The following ABCB4 variants were observed in gnomAD, a reference collection of about 807,000 sequenced individuals.
The protein encoded by ABCB4 is ATP binding cassette subfamily B member 4.
Under a neutral mutation model 145.7 loss-of-function variants are expected in ABCB4, and 76 were observed. The observed-to-expected ratio is 0.52, with a 90% CI of 0.43 to 0.63. ABCB4 has a LOEUF of 0.63. Ranked by LOEUF, ABCB4 falls within the 30% of genes least tolerant of loss-of-function variation. ABCB4 has a pLI of 0.00. For synonymous variants in ABCB4, 517 were observed against 566.8 expected, an observed-to-expected ratio of 0.91 and a Z score of 1.25; for missense variants, 1,234 against 1,553.1, an observed-to-expected ratio of 0.79 and a Z score of 3.45.
chr7:87,371,444 T>G, the ABCB4 span, among the ~76,000 whole-genome samples: 1 of 152,358 alleles, frequency 6.6e-6, no homozygotes. Flanking sequence ...CTTTATGATA[T>G]GACATTAAAG....
intron 9 of ABCB4, among the ~76,000 whole-genome samples, chr7:87,446,693 T>A (rs564965326): frequency 1.6e-4 from 25 of 152,340 alleles, no homozygotes; most frequent in Admixed American, 2.6e-4. Flanking sequence ...TCTGTAATAA[T>A]GATGCTTACT....
Position 87,408,252 on chromosome 7 carries a change from T to C in ABCB4, c.3082-18A>G, listed in dbSNP as rs941333716. On this transcript the variant is annotated intron_variant, in intron 24 of 27. Coordinates refer to ENST00000649586, the MANE Select transcript of ABCB4 (RefSeq NM_000443.4). ...AATTTATCCTGAATAAATGTTTAAA[T>C]GTTGCTATTATAATTGGCCTGATAA... 2 of 1,609,824 alleles carry C rather than the reference T, an allele frequency of 1.2e-6. No homozygotes were observed. The highest frequency in any genetic ancestry group is 3.3e-5 in the Admixed American group (2 of 59,994).
downstream of ABCB4, chr7:87,398,559 C>T: frequency 3.1e-6 from 5 of 1,613,710 alleles, no homozygotes; most frequent in Non-Finnish European, 4.2e-6. Flanking sequence ...AAATCCTGTC[C>T]CGAGACTGAT....
At chr7:87,464,628 C>A (rs1298832509) in intron 3 of ABCB4, among the ~76,000 whole-genome samples, 1 of 152,020 alleles carries the variant, frequency 6.6e-6, no homozygotes, top group Non-Finnish European at 1.5e-5. Context: ...CCTAAGTAAA[C>A]CTAGGTTTGT....
chr7:87,388,778 G>A, the ABCB4 span, among the ~76,000 whole-genome samples: 18 of 152,132 alleles, frequency 1.2e-4, no homozygotes, highest in Admixed American at 9.8e-4. Context: ...TGACAAATGG[G>A]ATCTAATTAA....
chr7:87,472,771 T>C, intron 2 of ABCB4, 96 bp from the exon 3 acceptor site: 1 of 891,616 alleles, frequency 1.1e-6, no homozygotes, highest in Admixed American at 2.2e-5. Flanking sequence ...TCAACTATTA[T>C]ATTTTCAAAT....
chr7:87,375,844 T>C, the ABCB4 span: 2 of 1,613,432 alleles, frequency 1.2e-6, no homozygotes, highest in South Asian at 1.1e-5. Flanking sequence ...GAATATCTGA[T>C]TGGTCTTGAT....
intron 3 of ABCB4, among the ~76,000 whole-genome samples, chr7:87,468,924 C>G (rs970674311): frequency 6.8e-5 from 6 of 88,528 alleles, no homozygotes; most frequent in African/African-American, 1.5e-4. Context: ...CAGCGCAACT[C>G]CGTCTCAAAA....
At chr7:87,446,949 A>T (rs1411823105) in intron 9 of ABCB4, 85 bp downstream of exon 9, 1 of 1,293,542 alleles carries the variant, frequency 7.7e-7, no homozygotes, top group African/African-American at 1.5e-5. Context: ...TCATCTTTCA[A>T]AAAGGAGCGA....
intron 7 of ABCB4, among the ~76,000 whole-genome samples, chr7:87,451,321 A>T (rs1811714376): frequency 6.6e-6 from 1 of 152,048 alleles, no homozygotes; most frequent in Non-Finnish European, 1.5e-5. Flanking sequence ...TTTTTAGTAG[A>T]GACAGAGTTT....
the ABCB4 span, chr7:87,393,161 T>C: frequency 3.8e-6 from 5 of 1,317,532 alleles, no homozygotes; most frequent in Admixed American, 1.2e-4. Context: ...GATTCTTATA[T>C]TGCCATCTGT....
intron 16 of ABCB4, among the ~76,000 whole-genome samples, chr7:87,424,316 G>C (rs969415921): frequency 6.6e-6 from 1 of 152,192 alleles, no homozygotes; most frequent in Admixed American, 6.5e-5. Context: ...GGCCTCAGCA[G>C]ACTGCGAGGT....
chr7:87,411,034 C>T (rs1015089670), intron 23 of ABCB4, among the ~76,000 whole-genome samples: 1 of 152,078 alleles, frequency 6.6e-6, no homozygotes, highest in African/African-American at 2.4e-5. Flanking sequence ...TAACACTTTC[C>T]AGGCCTTTGT....
chr7:87,441,189 C>A (rs964857321), intron 12 of ABCB4, among the ~76,000 whole-genome samples: 11 of 152,164 alleles, frequency 7.2e-5, no homozygotes, highest in African/African-American at 2.7e-4. Flanking sequence ...CAATTGCTTA[C>A]ATGTACAATG....
the ABCB4 span, chr7:87,382,388 G>A: frequency 0.01 from 16,501 of 1,603,656 alleles, 1,226 homozygotes; most frequent in African/African-American, 0.18. Context: ...ATTTTTCACC[G>A]TTCTCATTTA....
downstream of ABCB4, among the ~76,000 whole-genome samples, chr7:87,400,947 A>T (rs1227601793): frequency 1.3e-5 from 2 of 152,184 alleles, no homozygotes; most frequent in African/African-American, 4.8e-5. Context: ...AATCACCTAG[A>T]GTGTATTTTA....
chr7:87,418,006 T>C (rs1345960599), intron 20 of ABCB4, among the ~76,000 whole-genome samples: 8 of 152,222 alleles, frequency 5.3e-5, no homozygotes, highest in African/African-American at 1.9e-4. Context: ...TGTAGCAACA[T>C]TGCAGTCAGC....
intron 14 of ABCB4, among the ~76,000 whole-genome samples, chr7:87,438,918 A>G (rs1810792222): frequency 6.6e-6 from 1 of 152,218 alleles, no homozygotes; most frequent in African/African-American, 2.4e-5. Context: ...GGTGGTTCAG[A>G]TAGAATTCCT....
chr7:87,381,871 A>G, the ABCB4 span: 2 of 1,392,318 alleles, frequency 1.4e-6, no homozygotes, highest in Non-Finnish European at 2.0e-6. Context: ...TTTTAAGTTG[A>G]CATAAAGTAT....
Sources: gnomAD v4.1 joint callset for allele counts (sites outside exome capture counted in the v4.1 genomes callset) on GRCh38, gnomAD v4.1.1 for gene constraint, MANE v1.5 for transcripts, NCBI Gene and HGNC (gene_info 2026-07-23, HGNC 2026-07-21) for gene names.